PPP1R12A: variants seen among roughly 807,000 people sequenced by gnomAD.
PPP1R12A encodes protein phosphatase 1 regulatory subunit 12A, also known as myosin binding subunit.
A neutral mutation model predicts 139.6 loss-of-function variants in PPP1R12A; 19 were observed. The observed-to-expected ratio is 0.14, with a 90% CI of 0.09 to 0.20. The LOEUF (loss-of-function observed/expected upper bound fraction) is 0.20. Ranked by LOEUF, PPP1R12A falls within the 10% of genes least tolerant of loss-of-function variation. PPP1R12A has a pLI of 1.00. For synonymous variants in PPP1R12A, 427 were observed against 420.6 expected (o/e 1.02, Z -0.19); for missense variants, 925 against 1,211.5 (o/e 0.76, Z 3.51).
chr12:79,854,107 G>C (rs983568727), intron 2 of PPP1R12A, among the ~76,000 whole-genome samples: 1 of 152,150 alleles, frequency 6.6e-6, no homozygotes, highest in African/African-American at 2.4e-5. Context: ...GTAAGATCAA[G>C]AAAGTGCCAA....
At chr12:79,873,812 G>A (rs1470022371) in intron 1 of PPP1R12A, among the ~76,000 whole-genome samples, 1 of 152,188 alleles carries the variant, frequency 6.6e-6, no homozygotes, top group Non-Finnish European at 1.5e-5. Context: ...CCTCTTCCAA[G>A]TATGATGGTT....
chr12:79,839,836 C>T (rs1196706274), intron 3 of PPP1R12A, among the ~76,000 whole-genome samples: 1 of 152,180 alleles, frequency 6.6e-6, no homozygotes, highest in East Asian at 1.9e-4. Context: ...AACCTCTTTC[C>T]TTTACAAATT....
In PPP1R12A at chr12:79,807,075, C is replaced by CT. The variant is rs146254946; in HGVS notation, c.1655+150dup. 2.0e-3 allele frequency: 981 copies of CT among 502,632 alleles called. 5 individuals are homozygous for CT. The highest frequency in any genetic ancestry group is 0.018 in the African/African-American group (895 of 49,826). 31.1% of individuals were successfully genotyped at this position (502,632 alleles called of 1,614,324 possible). ...TATCACCTATCTTTAAATATATATC[C>CT]TGTGTTTAGAGTAAGTTTTAAACAA... On this transcript the variant is annotated intron_variant, in intron 12 of 24. Coordinates refer to ENST00000450142, the MANE Select transcript of PPP1R12A (RefSeq NM_002480.3).
At chr12:79,904,458 T>C (rs749898239) in intron 1 of PPP1R12A, among the ~76,000 whole-genome samples, 4 of 152,060 alleles carry the variant, frequency 2.6e-5, no homozygotes, top group Non-Finnish European at 4.4e-5. Flanking sequence ...ATTACCTCCC[T>C]TTTCCCTATA....
chr12:79,817,309 A>C, intron 9 of PPP1R12A, 85 bp downstream of exon 9: 1 of 1,298,842 alleles, frequency 7.7e-7, no homozygotes, highest in Non-Finnish European at 1.0e-6. Context: ...ACAGACTATA[A>C]AAATTCAGAA....
In PPP1R12A at chr12:79,790,473, A is replaced by G; in HGVS notation, c.2660T>C (p.Ile887Thr). ...SNKKETQTDS[I>T]SRYETSSTSA... Reference sequence around the variant, plus strand: ...AAAAATAAATAAAACATACCTAGAAATGGAATCCGTCTGGAAAGAAAGAGA... The same window carrying G: ...AAAAATAAATAAAACATACCTAGAAGTGGAATCCGTCTGGAAAGAAAGAGA... The change falls in exon 20 of 25, where the codon ATT (isoleucine) becomes ACT (threonine). Residue 887 changes from isoleucine (I) to threonine (T), a missense_variant. Ile to Thr is a moderately conservative substitution (Grantham distance 89, BLOSUM62 -1). Around this residue, in one of 4 missense-constraint regions of PPP1R12A, gnomAD observed 315 missense variants for 363.4 expected, o/e 0.87. Coordinates refer to ENST00000450142, the MANE Select transcript of PPP1R12A (RefSeq NM_002480.3). The G allele has an allele frequency of 7.3e-7, 1 of 1,376,566 alleles. No individual in the cohort carries two copies. The highest frequency in any genetic ancestry group is 9.8e-7 in the Non-Finnish European group (1 of 1,023,602). The allele number at this position is 1,376,566 out of a possible 1,614,324, so 85.3% of individuals were successfully genotyped here.
chr12:79,906,862 TCTCGAA>T (rs1291645670), intron 1 of PPP1R12A, among the ~76,000 whole-genome samples: 17 of 152,108 alleles, frequency 1.1e-4, no homozygotes, highest in Non-Finnish European at 1.5e-5. Context: ...ACCCGGCTGG[TCTCGAA>T]CTCCTGACCT....
chr12:79,925,378 G>C (rs911127021), intron 1 of PPP1R12A, among the ~76,000 whole-genome samples: 1 of 152,104 alleles, frequency 6.6e-6, no homozygotes, highest in Non-Finnish European at 1.5e-5. Flanking sequence ...GCACTATGCA[G>C]TATTCAAGAA....
At chr12:79,807,079 G>A (rs1873928491) in intron 12 of PPP1R12A, 147 bp downstream of exon 12, 2 of 524,526 alleles carry the variant, frequency 3.8e-6, no homozygotes, top group Non-Finnish European at 6.6e-6. Flanking sequence ...TATATCCTGT[G>A]TTTAGAGTAA....
rs1871407424 is a variant in PPP1R12A at position 79,788,632 on chromosome 12, TAA to T, written c.2802+14_2802+15del. 16 of 1,588,646 alleles carry T rather than the reference TAA, an allele frequency of 1.0e-5. No homozygotes were observed. The highest frequency in any genetic ancestry group is 1.3e-5 in the Non-Finnish European group (15 of 1,171,096). ...AAGATAACTTTTTATTAAATATAAC[TAA>T]ATAACCCAAGTACCTTTTTAAAGTC... On this transcript the variant is annotated intron_variant, in intron 21 of 24. Coordinates refer to ENST00000450142, the MANE Select transcript of PPP1R12A (RefSeq NM_002480.3).
chr12:79,781,545 T>C lies in PPP1R12A; in HGVS notation c.2955+270A>G, dbSNP rs570706159. On this transcript the variant is annotated intron_variant, in intron 23 of 24. Transcript: ENST00000450142. ...ATCAAATTCACTATCAAAATGTGTA[T>C]AGTACATTTCAGAATCAAGGCAAGA... Among the ~76,000 whole-genome samples, 729 of 152,178 alleles carry C rather than the reference T, an allele frequency of 4.8e-3. 3 individuals carry two copies. The highest frequency in any genetic ancestry group is 0.014 in the Middle Eastern group (4 of 294).
At chr12:79,817,212 G>A (rs922169992) in intron 9 of PPP1R12A, among the ~76,000 whole-genome samples, 182 bp downstream of exon 9, 2 of 151,836 alleles carry the variant, frequency 1.3e-5, no homozygotes, top group African/African-American at 4.8e-5. Context: ...TTGCAAAAAG[G>A]ATAAAAAAAC....
intron 1 of PPP1R12A, among the ~76,000 whole-genome samples, chr12:79,878,979 C>T (rs1418975221): frequency 6.6e-6 from 1 of 152,180 alleles, no homozygotes; most frequent in Non-Finnish European, 1.5e-5. Context: ...CTTTTATTTT[C>T]TTCCTTAATT....
At chr12:79,801,511 C>A (rs1873182995) in intron 14 of PPP1R12A, among the ~76,000 whole-genome samples, 1 of 151,730 alleles carries the variant, frequency 6.6e-6, no homozygotes, top group Admixed American at 6.6e-5. Context: ...TTCTCTGTGT[C>A]CTTTAAAGCT....
chr12:79,817,657 A>G (rs1592662041), intron 8 of PPP1R12A, 139 bp from the exon 9 acceptor site: 1 of 749,258 alleles, frequency 1.3e-6, no homozygotes, highest in Non-Finnish European at 2.0e-6. Context: ...CCTTTTCGCA[A>G]GTCAGTTTTT....
intron 2 of PPP1R12A, among the ~76,000 whole-genome samples, chr12:79,868,188 C>T (rs1262629727): frequency 1.3e-5 from 2 of 152,142 alleles, no homozygotes; most frequent in Admixed American, 1.3e-4. Flanking sequence ...GCTTTGCACA[C>T]AGTAATTCAA....
At chr12:79,829,846 T>G (rs887328227) in intron 4 of PPP1R12A, among the ~76,000 whole-genome samples, 1 of 152,048 alleles carries the variant, frequency 6.6e-6, no homozygotes, top group African/African-American at 2.4e-5. Context: ...GTAAATTTTT[T>G]CAACATAAAA....
chr12:79,902,549 A>G (rs1319017435), intron 1 of PPP1R12A, among the ~76,000 whole-genome samples: 1 of 152,168 alleles, frequency 6.6e-6, no homozygotes, highest in East Asian at 1.9e-4. Context: ...GATTTTTTAA[A>G]TGGATATTGG....
At chr12:79,887,225 A>G (rs931858677) in intron 1 of PPP1R12A, among the ~76,000 whole-genome samples, 1 of 152,200 alleles carries the variant, frequency 6.6e-6, no homozygotes, top group African/African-American at 2.4e-5. Flanking sequence ...TTTATGACCT[A>G]CTGTGTGTAT....
Sources: allele counts gnomAD v4.1 joint callset (sites outside exome capture counted in the v4.1 genomes callset), GRCh38; gene constraint gnomAD v4.1.1; regional missense constraint gnomAD v4.1.1; transcripts MANE v1.5; gene names NCBI Gene and HGNC (gene_info 2026-07-23, HGNC 2026-07-21).